TTC39C: variants seen among roughly 807,000 people sequenced by gnomAD.
TTC39C encodes tetratricopeptide repeat protein 39C.
A neutral mutation model predicts 76.3 loss-of-function variants in TTC39C; 33 were observed. The observed-to-expected ratio is 0.43, with a 90% CI of 0.33 to 0.58. TTC39C has a LOEUF of 0.58. Among genes scored for constraint, TTC39C ranks in the 20% least tolerant of loss-of-function variants. The pLI is 0.04. For missense variants in TTC39C, 595 were observed against 701.4 expected, an observed-to-expected ratio of 0.85 and a Z score of 1.71; for synonymous variants, 254 against 260.6, an observed-to-expected ratio of 0.97 and a Z score of 0.24.
At chr18:24,014,663 C>CG, upstream of TTC39C, 1 of 709,516 alleles carries the variant, frequency 1.4e-6, no homozygotes, top group Non-Finnish European at 1.9e-6. Context: ...GGCGGCCGGA[C>CG]GCCCACCTCC....
At chr18:24,008,915 TG>T (rs1305645557) in intron 1 of TTC39C, among the ~76,000 whole-genome samples, 1 of 152,180 alleles carries the variant, frequency 6.6e-6, no homozygotes, top group African/African-American at 2.4e-5. Flanking sequence ...TGGATGGAGC[TG>T]GAGGACATCA....
intron 6 of TTC39C, among the ~76,000 whole-genome samples, chr18:24,085,149 A>G (rs574284702): frequency 4.6e-5 from 7 of 152,310 alleles, no homozygotes; most frequent in East Asian, 1.9e-4. Context: ...TACTGTTTCT[A>G]ATTGGTGCAT....
chr18:24,076,243 G>A (rs2084306152), intron 4 of TTC39C, among the ~76,000 whole-genome samples: 2 of 152,172 alleles, frequency 1.3e-5, no homozygotes, highest in South Asian at 4.1e-4. Flanking sequence ...GCCTCCAAAA[G>A]TGCTGGGATT....
intron 1 of TTC39C, among the ~76,000 whole-genome samples, chr18:24,020,985 C>T (rs1485307226): frequency 1.3e-5 from 2 of 152,088 alleles, no homozygotes; most frequent in South Asian, 2.1e-4. Context: ...GATCCCCAAA[C>T]GTGGTATTTC....
rs541404641 is a variant in TTC39C at position 24,060,825 on chromosome 18, C to T, written c.168-3315C>T. Among the ~76,000 whole-genome samples the T allele has an allele frequency of 7.2e-5, 11 of 152,216 alleles. No individual in the cohort carries two copies. In the South Asian group the frequency reaches 8.3e-4, roughly 11 times the overall value. ...CATTTGTCCAATAAGAATATGATTA[C>T]GAAAATAGTTAAGATTTTTCTTTTG... On this transcript the variant is annotated intron_variant, in intron 1 of 13. Transcript: ENST00000317571.
At chr18:24,096,331 A>G (rs2084589078) in intron 6 of TTC39C, among the ~76,000 whole-genome samples, 2 of 152,226 alleles carry the variant, frequency 1.3e-5, no homozygotes, top group Admixed American at 6.5e-5. Context: ...AATGTATAAT[A>G]TAAATATTAG....
intron 6 of TTC39C, among the ~76,000 whole-genome samples, chr18:24,087,499 G>T (rs1409834035): frequency 6.6e-6 from 1 of 151,564 alleles, no homozygotes; most frequent in Non-Finnish European, 1.5e-5. Flanking sequence ...AAAGTGTTCA[G>T]ATATTCAAAT....
intron 6 of TTC39C, among the ~76,000 whole-genome samples, chr18:24,102,667 C>T (rs1489647655): frequency 1.3e-5 from 2 of 152,088 alleles, no homozygotes; most frequent in Non-Finnish European, 2.9e-5. Context: ...GCTATGTGGC[C>T]TTCAGTGAGG....
intron 1 of TTC39C, among the ~76,000 whole-genome samples, chr18:24,044,052 TTGTGTGTGTGTGTGTGTGTG>T (rs56233680): frequency 1.4e-5 from 2 of 147,848 alleles, no homozygotes; most frequent in South Asian, 2.2e-4. Flanking sequence ...TTGTGTATGT[TTGTGTGTGTGTGTGTGTGTG>T]TGTGTGTGTG....
In TTC39C at chr18:24,132,420, A is replaced by G. The variant is rs371981859; in HGVS notation, c.1663-65A>G. The G allele has an allele frequency of 1.2e-5, 17 of 1,420,132 alleles. No individual in the cohort carries two copies. In the South Asian group the frequency reaches 1.7e-4, roughly 14 times the overall value. The allele number at this position is 1,420,132 out of a possible 1,614,324, so 88.0% of individuals were successfully genotyped here. ...GGAAATGCAAAATTGAGTGTGCTTT[A>G]TACCACAGTACCCTGTGCAAGCTTA... On this transcript the variant is annotated intron_variant, in intron 13 of 13. Coordinates refer to ENST00000317571, the MANE Select transcript of TTC39C (RefSeq NM_001135993.2).
intron 1 of TTC39C, chr18:24,016,688 ACTCT>A (rs928071704): frequency 5.0e-6 from 2 of 396,844 alleles, no homozygotes; most frequent in African/African-American, 4.2e-5. Context: ...TGGTTGGAAA[ACTCT>A]CTCCCAGCAA....
At chr18:24,120,529 T>G (rs2084952449) in intron 8 of TTC39C, among the ~76,000 whole-genome samples, 1 of 152,244 alleles carries the variant, frequency 6.6e-6, no homozygotes, top group Non-Finnish European at 1.5e-5. Flanking sequence ...TTTTGTACTT[T>G]TAAAAATTGT....
At chr18:24,028,355 G>A (rs758028944) in intron 1 of TTC39C, among the ~76,000 whole-genome samples, 10 of 152,048 alleles carry the variant, frequency 6.6e-5, no homozygotes, top group Non-Finnish European at 1.2e-4. Flanking sequence ...ATCTGGGCTG[G>A]GCTTATAAGA....
intron 6 of TTC39C, among the ~76,000 whole-genome samples, chr18:24,110,588 C>T (rs1465036069): frequency 6.6e-6 from 1 of 152,170 alleles, no homozygotes; most frequent in African/African-American, 2.4e-5. Flanking sequence ...ATACCGGCAA[C>T]ACTCACTTAG....
chr18:24,063,053 A>T (rs2084118715), intron 1 of TTC39C, among the ~76,000 whole-genome samples: 1 of 152,194 alleles, frequency 6.6e-6, no homozygotes, highest in South Asian at 2.1e-4. Context: ...TTTTATAGTG[A>T]CCATATAGTA....
intron 1 of TTC39C, among the ~76,000 whole-genome samples, chr18:24,059,449 G>C (rs2084062470): frequency 6.6e-6 from 1 of 152,060 alleles, no homozygotes; most frequent in Non-Finnish European, 1.5e-5. Flanking sequence ...CCCACTTATA[G>C]GTCAGAACAT....
chr18:24,108,873 C>T (rs1283886178), intron 6 of TTC39C, among the ~76,000 whole-genome samples: 1 of 152,086 alleles, frequency 6.6e-6, no homozygotes, highest in Non-Finnish European at 1.5e-5. Flanking sequence ...TGGAATTTCT[C>T]CTGGTGAGTC....
intron 1 of TTC39C, among the ~76,000 whole-genome samples, chr18:24,046,227 C>G (rs1207930697): frequency 6.6e-6 from 1 of 151,752 alleles, no homozygotes; most frequent in Admixed American, 6.6e-5. Flanking sequence ...CATGAGCCAC[C>G]GTGCCCAGCC....
At chr18:24,040,576 A>G (rs1206908103) in intron 1 of TTC39C, among the ~76,000 whole-genome samples, 1 of 152,212 alleles carries the variant, frequency 6.6e-6, no homozygotes, top group Non-Finnish European at 1.5e-5. Context: ...TAACAAGGCT[A>G]TATATATTTA....
Sources: gnomAD v4.1 joint callset for allele counts (sites outside exome capture counted in the v4.1 genomes callset) on GRCh38, gnomAD v4.1.1 for gene constraint, MANE v1.5 for transcripts, NCBI Gene and HGNC (gene_info 2026-07-23, HGNC 2026-07-21) for gene names.